SESN3: variants seen among roughly 807,000 people sequenced by gnomAD.
SESN3 encodes the protein sestrin-3.
Under a neutral mutation model 55.3 loss-of-function variants are expected in SESN3, and 21 were observed. That is an observed-to-expected ratio of 0.38 (90% confidence interval 0.27 to 0.55). The LOEUF (loss-of-function observed/expected upper bound fraction) is 0.55, where lower values mean the gene tolerates loss of function less well. Among genes scored for constraint, SESN3 ranks in the 20% least tolerant of loss-of-function variants. The pLI, the probability that SESN3 is intolerant of heterozygous loss-of-function variation, is 0.76. For missense variants in SESN3, 408 were observed against 604.3 expected, an observed-to-expected ratio of 0.68 and a Z score of 3.41; for synonymous variants, 181 against 203.1, an observed-to-expected ratio of 0.89 and a Z score of 0.93.
intron 1 of SESN3, among the ~76,000 whole-genome samples, chr11:95,199,927 C>T (rs1308084938): frequency 6.6e-6 from 1 of 151,454 alleles, no homozygotes; most frequent in Non-Finnish European, 1.5e-5. Context: ...GAACACTAAC[C>T]CCACAATTTT....
intron 5 of SESN3, 44 bp from the exon 6 acceptor site, chr11:95,184,638 G>C (rs1860129176): frequency 6.4e-7 from 1 of 1,556,412 alleles, no homozygotes; most frequent in Non-Finnish European, 8.8e-7. Flanking sequence ...CATACTAAAA[G>C]TGTTCCAGTA....
At chr11:95,212,237 C>T (rs1183856192) in intron 1 of SESN3, among the ~76,000 whole-genome samples, 3 of 152,090 alleles carry the variant, frequency 2.0e-5, no homozygotes, top group Non-Finnish European at 2.9e-5. Context: ...CATGCTTTCA[C>T]AAGTGAAGAT....
chr11:95,219,636 C>T (rs927020330), intron 1 of SESN3, among the ~76,000 whole-genome samples: 6 of 152,184 alleles, frequency 3.9e-5, no homozygotes, highest in African/African-American at 1.4e-4. Context: ...TATTACCCAA[C>T]TTTATCTCTT....
chr11:95,176,963 T>C (rs1259887139), intron 8 of SESN3, among the ~76,000 whole-genome samples: 2 of 152,186 alleles, frequency 1.3e-5, no homozygotes, highest in African/African-American at 4.8e-5. Context: ...TTGGGGTTCT[T>C]CAGCTAAAAT....
intron 9 of SESN3, among the ~76,000 whole-genome samples, 194 bp from the exon 10 acceptor site, chr11:95,173,535 T>G (rs1323505693): frequency 5.3e-5 from 8 of 152,100 alleles, no homozygotes; most frequent in African/African-American, 1.9e-4. Context: ...AAATAACCCA[T>G]AAAATCTAAA....
rs901580619 is a variant in SESN3 at position 95,165,625 on chromosome 11, TAC to T, written c.*7628_*7629del. 7 of 152,196 alleles carry T rather than the reference TAC, an allele frequency of 4.6e-5. No homozygotes were observed. The highest frequency in any genetic ancestry group is 1.7e-4 in the African/African-American group (7 of 41,454). 9.4% of individuals were successfully genotyped at this position (152,196 alleles called of 1,614,324 possible). ...TAAATTTCTGCAAGTATAAATGTGA[TAC>T]AGTTTAACAAAACCCATTGTTCTGT... is the stretch of plus-strand genomic sequence containing the variant. On this transcript the variant is annotated 3_prime_UTR_variant, in exon 10 of 10. Transcript: ENST00000536441.
chr11:95,189,821 C>T lies in SESN3; in HGVS notation c.483G>A (p.Leu161=), dbSNP rs766587756. Residue 161 remains leucine, a synonymous_variant, in exon 4 of 10, where the codon CTG becomes CTA. Coordinates refer to ENST00000536441, the MANE Select transcript of SESN3 (RefSeq NM_144665.4). The part of the protein sequence containing the change: ...RLKNLNEINK[L]LAHRPWLITK... ...TGATCAGCCAAGGTCGATGTGCTAG[C>T]AGCTTATTAATTTCATTAAGATTTT... 9.9e-6 allele frequency: 16 copies of T among 1,611,268 alleles called. No homozygotes were observed. In the East Asian group the frequency reaches 3.3e-4, roughly 34 times the overall value.
chr11:95,203,052 A>G (rs150895318), intron 1 of SESN3, among the ~76,000 whole-genome samples: 2 of 152,282 alleles, frequency 1.3e-5, no homozygotes, highest in African/African-American at 4.8e-5. Context: ...TTTTGGAGAA[A>G]CAAAAATATG....
In SESN3 at chr11:95,173,127, AAAAAC is replaced by A; in HGVS notation, c.*123_*127del. 9.2e-6 allele frequency: 5 copies of A among 542,658 alleles called. No individual in the cohort carries two copies. Among genetic ancestry groups the A allele is most frequent in the Non-Finnish European group, 6.5e-6 (2 of 307,824 alleles). The allele number at this position is 542,658 out of a possible 1,614,324, so 33.6% of individuals were successfully genotyped here. ...TTACAGCCGCAAAAAACAAAAAAAA[AAAAAC>A]AAACGGCTAAACTTTGACACTAGAG... On this transcript the variant is annotated 3_prime_UTR_variant, in exon 10 of 10. Coordinates refer to ENST00000536441, the MANE Select transcript of SESN3 (RefSeq NM_144665.4).
In SESN3 at chr11:95,173,629, T is replaced by C. The variant is rs576167803; in HGVS notation, c.1393-288A>G. Among the ~76,000 whole-genome samples the C allele has an allele frequency of 1.9e-3, 291 of 152,272 alleles. 1 individual carries two copies. The highest frequency in any genetic ancestry group is 2.9e-3 in the Non-Finnish European group (194 of 68,014). On this transcript the variant is annotated intron_variant, in intron 9 of 9. Coordinates refer to ENST00000536441, the MANE Select transcript of SESN3 (RefSeq NM_144665.4). ...AAATAAAACTAATTTTTATAAATTA[T>C]AATTTTCCTACAAATTACATTTCTT... is the stretch of plus-strand genomic sequence containing the variant.
chr11:95,219,869 C>T (rs563334331), intron 1 of SESN3, among the ~76,000 whole-genome samples: 10 of 151,988 alleles, frequency 6.6e-5, no homozygotes, highest in African/African-American at 2.4e-4. Flanking sequence ...CCTCTGGAAA[C>T]GTTATACCCA....
chr11:95,181,350 T>G (rs186202614), intron 6 of SESN3, among the ~76,000 whole-genome samples: 8 of 152,238 alleles, frequency 5.3e-5, no homozygotes, highest in African/African-American at 1.7e-4. Flanking sequence ...AACACCTGTT[T>G]CCTAGACAAT....
chr11:95,229,688 A>G (rs1272229332), intron 1 of SESN3, among the ~76,000 whole-genome samples: 1 of 152,132 alleles, frequency 6.6e-6, no homozygotes, highest in African/African-American at 2.4e-5. Context: ...TTAAAAAAAA[A>G]TGTAGAAAGA....
At chr11:95,209,267 G>T (rs1005232607) in intron 1 of SESN3, among the ~76,000 whole-genome samples, 2 of 151,356 alleles carry the variant, frequency 1.3e-5, no homozygotes, top group Non-Finnish European at 3.0e-5. Context: ...GATATGAACA[G>T]ACACTTCTCA....
At chr11:95,227,066 A>G (rs193242105) in intron 1 of SESN3, among the ~76,000 whole-genome samples, 14 of 152,338 alleles carry the variant, frequency 9.2e-5, no homozygotes, top group African/African-American at 3.4e-4. Context: ...GCATAATGTA[A>G]CTAGTGGTCC....
At chr11:95,183,748 T>A (rs531516566) in intron 6 of SESN3, among the ~76,000 whole-genome samples, 1 of 151,926 alleles carries the variant, frequency 6.6e-6, no homozygotes, top group South Asian at 2.1e-4. Context: ...TTGTATTGAG[T>A]CTATGCTATT....
intron 9 of SESN3, among the ~76,000 whole-genome samples, chr11:95,174,164 G>C (rs1859909161): frequency 6.6e-6 from 1 of 152,276 alleles, no homozygotes. Flanking sequence ...CAAAAAATCT[G>C]TTAGGTACTG....
At chr11:95,197,502 T>C (rs1262507327) in intron 1 of SESN3, among the ~76,000 whole-genome samples, 1 of 151,004 alleles carries the variant, frequency 6.6e-6, no homozygotes, top group Non-Finnish European at 1.5e-5. Context: ...TGCAGTGCAA[T>C]GGCACAATCT....
At position 95,205,789 on chromosome 11, in the gene SESN3, T is replaced by C. The variant is rs558882523; in HGVS notation, c.79-12267A>G. ...ACTCTAATATTTAATAACAACTTTA[T>C]ACTAGGTTATCTCACCACCTGTTCA... On this transcript the variant is annotated intron_variant, in intron 1 of 9. Coordinates refer to ENST00000536441, the MANE Select transcript of SESN3 (RefSeq NM_144665.4). Among the ~76,000 whole-genome samples, 3 of 152,306 alleles carry C rather than the reference T, an allele frequency of 2.0e-5. No homozygotes were observed. The East Asian group carries it at 5.8e-4, about 29-fold the overall frequency.
Sources: allele counts gnomAD v4.1 joint callset (sites outside exome capture counted in the v4.1 genomes callset), GRCh38; gene constraint gnomAD v4.1.1; transcripts MANE v1.5; gene names NCBI Gene and HGNC (gene_info 2026-07-23, HGNC 2026-07-21).